Variants in ERCC8 observed in about 807,000 individuals in gnomAD.
ERCC8 encodes DNA excision repair protein ERCC-8.
Under a neutral mutation model 54.9 loss-of-function variants are expected in ERCC8, and 52 were observed. The ratio of observed to expected loss-of-function variants is 0.95; its 90% CI spans 0.76 to 1.19. The LOEUF (loss-of-function observed/expected upper bound fraction) is 1.19. Ranked by LOEUF, ERCC8 falls within the 50% of genes most tolerant of loss-of-function variation. The pLI, the probability that ERCC8 is intolerant of heterozygous loss-of-function variation, is 0.00. For missense variants in ERCC8, 514 were observed against 466.1 expected (o/e 1.10, Z -0.95); for synonymous variants, 146 against 157.2 (o/e 0.93, Z 0.53).
chr5:60,933,216 C>CTTTTTTT (rs143139297), intron 1 of ERCC8, among the ~76,000 whole-genome samples: 14 of 89,486 alleles, frequency 1.6e-4, no homozygotes, highest in East Asian at 3.4e-4. Context: ...CCTTTTTTTT[C>CTTTTTTT]TTTTTTTTTT....
chr5:60,904,704 GGTTAAAAT>G (rs1749018107), intron 5 of ERCC8, 80 bp downstream of exon 5: 1 of 372,728 alleles, frequency 2.7e-6, no homozygotes, highest in African/African-American at 2.6e-5. Flanking sequence ...TATTCCTCTG[GGTTAAAAT>G]GTCTACATCA....
Position 60,944,955 on chromosome 5 carries a change from A to C in ERCC8, c.54T>G (p.Leu18=). ...ACCTCCGTGTTGACTCTGCTCTCCG[A>C]AGGCGAAGAGGGTCCTCCAAACCCG... ...RQTGLEDPLR[L]RRAESTRRVL... The change falls in exon 1 of 12, where the codon CTT becomes CTG. Residue 18 remains leucine, a synonymous_variant. Coordinates refer to ENST00000676185, the MANE Select transcript of ERCC8 (RefSeq NM_000082.4). 6.2e-7 allele frequency: 1 copy of C among 1,614,046 alleles called. No individual in the cohort carries two copies. Among genetic ancestry groups the C allele is most frequent in the Non-Finnish European group, 8.5e-7 (1 of 1,179,930 alleles).
At chr5:60,923,287 T>C (rs953921183) in intron 2 of ERCC8, among the ~76,000 whole-genome samples, 4 of 152,158 alleles carry the variant, frequency 2.6e-5, no homozygotes, top group South Asian at 2.1e-4. Flanking sequence ...GCTATATACA[T>C]TGATTGAACT....
At chr5:60,938,048 CATAT>C (rs1170248858) in intron 1 of ERCC8, among the ~76,000 whole-genome samples, 253 of 23,342 alleles carry the variant, frequency 0.011, 1 homozygote, top group Middle Eastern at 0.02. Flanking sequence ...TACATACATA[CATAT>C]ATATATATAT....
At chr5:60,904,380 A>C (rs1748990915) in intron 5 of ERCC8, among the ~76,000 whole-genome samples, 1 of 151,858 alleles carries the variant, frequency 6.6e-6, no homozygotes, top group Non-Finnish European at 1.5e-5. Flanking sequence ...GTGCTTTTAT[A>C]TAAATTGATG....
At chr5:60,907,399 C>T (rs1424922768) in intron 4 of ERCC8, 2 of 143,158 alleles carry the variant, frequency 1.4e-5, no homozygotes, top group African/African-American at 5.2e-5. Flanking sequence ...GTTGCCCAGG[C>T]TGGTGTGCAG....
rs934305867 is a variant in ERCC8 at position 60,867,933 on chromosome 5, C to A, written c.*6682G>T. Among the ~76,000 whole-genome samples, 2 of 152,220 alleles carry A rather than the reference C, an allele frequency of 1.3e-5. No individual in the cohort carries two copies. Among genetic ancestry groups the A allele is most frequent in the Non-Finnish European group, 2.9e-5 (2 of 68,042 alleles). On this transcript the variant is annotated 3_prime_UTR_variant, in exon 12 of 12. Coordinates refer to ENST00000676185, the MANE Select transcript of ERCC8 (RefSeq NM_000082.4). ...CGGTGGCTCATGCCTGTAATCCCTGCACTTTGGGAGGTCAAGGCGGGCAGA... is the reference window on the plus strand; with the variant it reads ...CGGTGGCTCATGCCTGTAATCCCTGAACTTTGGGAGGTCAAGGCGGGCAGA...
Position 60,938,083 on chromosome 5 carries a change from A to T in ERCC8, c.77+6849T>A, listed in dbSNP as rs1436627544. Among the ~76,000 whole-genome samples, 34 of 18,064 alleles carry T rather than the reference A, an allele frequency of 1.9e-3. 1 individual carries two copies. Among genetic ancestry groups the T allele is most frequent in the South Asian group, 5.9e-3 (3 of 508 alleles). 11.9% of individuals were successfully genotyped at this position (18,064 alleles called of 152,430 possible). On this transcript the variant is annotated intron_variant, in intron 1 of 11. Coordinates refer to ENST00000676185, the MANE Select transcript of ERCC8 (RefSeq NM_000082.4). ...TATATATATATATATATATATATAT[A>T]TATTTTATTTTTTTTTTTTTTAGGT...
At chr5:60,912,644 G>A (rs1269284029) in intron 4 of ERCC8, among the ~76,000 whole-genome samples, 1 of 152,152 alleles carries the variant, frequency 6.6e-6, no homozygotes, top group African/African-American at 2.4e-5. Flanking sequence ...TAGGAGTGGT[G>A]AGAGAGGGCA....
chr5:60,879,028 A>G lies in ERCC8; in HGVS notation c.1123-4345T>C, dbSNP rs538822898. Among the ~76,000 whole-genome samples the G allele has an allele frequency of 1.1e-4, 17 of 151,696 alleles. No homozygotes were observed. In the South Asian group the frequency reaches 2.7e-3, roughly 24 times the overall value. On this transcript the variant is annotated intron_variant, in intron 11 of 11. Coordinates refer to ENST00000676185, the MANE Select transcript of ERCC8 (RefSeq NM_000082.4). ...TTTAGTGCTATAAATTGCCCTCTAC[A>G]CACTGCTTTGAATGTGTCTCAGAGA... is the stretch of plus-strand genomic sequence containing the variant.
intron 6 of ERCC8, 146 bp from the exon 7 acceptor site, chr5:60,902,654 G>A (rs964029294): frequency 2.0e-5 from 14 of 697,066 alleles, no homozygotes; most frequent in South Asian, 8.1e-5. Context: ...TATAATAATC[G>A]ATGTTTCAAT....
rs1183833252 is a variant in ERCC8, at chr5:60,940,488, G to C, written c.77+4444C>G. The stretch of plus-strand genomic sequence containing the variant: ...AACTGAACCCTAAAGTTTCTGGCTA[G>C]ATGGCCAAAACAGGGAGTCCCAGAG... On this transcript the variant is annotated intron_variant, in intron 1 of 11. Transcript: ENST00000676185. Among the ~76,000 whole-genome samples the C allele has an allele frequency of 2.0e-5, 3 of 152,182 alleles. No homozygotes were observed. The East Asian group carries it at 5.8e-4, about 29-fold the overall frequency.
intron 9 of ERCC8, chr5:60,893,584 C>A: frequency 1.5e-6 from 1 of 657,302 alleles, no homozygotes; most frequent in East Asian, 2.7e-5. Flanking sequence ...TCATCATGAT[C>A]AGCTTGAAAG....
intron 4 of ERCC8, among the ~76,000 whole-genome samples, chr5:60,915,550 C>T (rs998385861): frequency 1.3e-4 from 20 of 152,096 alleles, no homozygotes; most frequent in Non-Finnish European, 2.5e-4. Flanking sequence ...AGTTAAAATT[C>T]TCACATAGGT....
intron 9 of ERCC8, chr5:60,893,246 G>T: frequency 9.9e-7 from 1 of 1,008,074 alleles, no homozygotes; most frequent in Non-Finnish European, 1.6e-6. Context: ...CTTCATAGTG[G>T]CCTCGTCATC....
At chr5:60,929,788 A>G (rs1749854380) in intron 1 of ERCC8, among the ~76,000 whole-genome samples, 1 of 152,206 alleles carries the variant, frequency 6.6e-6, no homozygotes, top group Non-Finnish European at 1.5e-5. Context: ...GCTAATTACA[A>G]TGCCTAGTAC....
rs895622670 is a variant in ERCC8, at chr5:60,867,149, T to C, written c.*7466A>G. ...CCATGCCCAGCCCTTCCTTCATTTT[T>C]AACCAATGAAAAAAGAAGGAAAAAA... On this transcript the variant is annotated 3_prime_UTR_variant, in exon 12 of 12. Transcript: ENST00000676185. Among the ~76,000 whole-genome samples, 1 of 152,180 alleles carries C rather than the reference T, an allele frequency of 6.6e-6. No individual in the cohort carries two copies. The highest frequency in any genetic ancestry group is 2.4e-5 in the African/African-American group (1 of 41,462).
At chr5:60,882,712 A>G (rs1748273197) in intron 11 of ERCC8, among the ~76,000 whole-genome samples, 2 of 152,124 alleles carry the variant, frequency 1.3e-5, no homozygotes, top group African/African-American at 4.8e-5. Context: ...AACCTCAGGT[A>G]ACTACTCACT....
chr5:60,893,435 C>T lies in ERCC8; in HGVS notation c.844-2349G>A, dbSNP rs564781169. ...AACCCTCTTCTTTATTTCAGCCTCT[C>T]GATTGGCATGATCATTGGAGTGAAC... is the stretch of plus-strand genomic sequence containing the variant. On this transcript the variant is annotated intron_variant, in intron 9 of 11. Coordinates refer to ENST00000676185, the MANE Select transcript of ERCC8 (RefSeq NM_000082.4). The T allele has an allele frequency of 8.7e-6, 8 of 922,076 alleles. 1 individual carries two copies. In the East Asian group the frequency reaches 9.6e-5, roughly 11 times the overall value. The allele number at this position is 922,076 out of a possible 1,614,324, so 57.1% of individuals were successfully genotyped here.
Sources: gnomAD v4.1 joint callset for allele counts (sites outside exome capture counted in the v4.1 genomes callset) on GRCh38, gnomAD v4.1.1 for gene constraint, MANE v1.5 for transcripts, NCBI Gene and HGNC (gene_info 2026-07-23, HGNC 2026-07-21) for gene names.